Variants in SCOC observed in about 807,000 individuals in gnomAD.
The protein encoded by SCOC is short coiled-coil protein.
In SCOC, 7 loss-of-function variants were observed where a neutral mutation model predicts 9.9. The ratio of observed to expected loss-of-function variants is 0.71; its 90% CI spans 0.40 to 1.33. SCOC has a LOEUF of 1.33. Ranked by LOEUF, SCOC falls within the 40% of genes most tolerant of loss-of-function variation. SCOC has a pLI of 0.01. For synonymous variants in SCOC, 19 were observed against 28.2 expected (o/e 0.67, Z 1.03); for missense variants, 66 against 89.7 (o/e 0.74, Z 1.07).
chr4:140,336,698 A>G (rs1279970090), intron 1 of SCOC, among the ~76,000 whole-genome samples: 1 of 152,112 alleles, frequency 6.6e-6, no homozygotes, highest in Admixed American at 6.6e-5. Flanking sequence ...TTCATGCACA[A>G]GTTTCTGTGT....
chr4:140,296,488 G>A (rs1311631806), intron 1 of SCOC, among the ~76,000 whole-genome samples: 1 of 152,162 alleles, frequency 6.6e-6, no homozygotes, highest in East Asian at 1.9e-4. Flanking sequence ...GAATGGCCAC[G>A]TGCCTGGGTT....
intron 1 of SCOC, among the ~76,000 whole-genome samples, chr4:140,281,271 G>A (rs1476673979): frequency 6.8e-6 from 1 of 147,540 alleles, no homozygotes; most frequent in African/African-American, 2.6e-5. Flanking sequence ...TGAGGAACAG[G>A]TGTGGGGAGA....
chr4:140,355,211 T>TTATATATATATATATGATATA (rs1553940379), intron 2 of SCOC, among the ~76,000 whole-genome samples: 8 of 61,394 alleles, frequency 1.3e-4, no homozygotes, highest in African/African-American at 3.8e-4. Flanking sequence ...CATTATATTT[T>TTATATATATATATATGATATA]TATATATATA....
At chr4:140,352,887 A>C (rs1048282784) in intron 2 of SCOC, among the ~76,000 whole-genome samples, 5 of 152,088 alleles carry the variant, frequency 3.3e-5, no homozygotes, top group Non-Finnish European at 7.4e-5. Context: ...GTTATGGTGA[A>C]TTTTTTCCAG....
intron 1 of SCOC, among the ~76,000 whole-genome samples, chr4:140,258,540 G>A (rs949065768): frequency 1.3e-5 from 2 of 152,172 alleles, no homozygotes; most frequent in Admixed American, 6.5e-5. Context: ...TCTCTGGGAT[G>A]GGAGGTGAAT....
intron 1 of SCOC, among the ~76,000 whole-genome samples, chr4:140,286,443 C>T (rs1193002758): frequency 2.0e-5 from 3 of 152,088 alleles, no homozygotes; most frequent in Non-Finnish European, 2.9e-5. Context: ...TGTTGCCCCT[C>T]CCAAACTCTG....
intron 1 of SCOC, among the ~76,000 whole-genome samples, chr4:140,326,264 G>A (rs748408827): frequency 6.6e-6 from 1 of 152,008 alleles, no homozygotes; most frequent in Non-Finnish European, 1.5e-5. Flanking sequence ...TTGGGCAGGT[G>A]GATACATGGC....
chr4:140,383,441 A>C lies in SCOC; in HGVS notation c.*2337A>C, dbSNP rs1728627167. On this transcript the variant is annotated 3_prime_UTR_variant, in exon 4 of 4. Coordinates refer to ENST00000608372, the MANE Select transcript of SCOC (RefSeq NM_001153484.2). The stretch of plus-strand genomic sequence containing the variant: ...GTTGGGACAGGATGGCCAAATAAAA[A>C]GTCTCAATTTGGAAAATGGAATAAA... 6.6e-6 allele frequency: 1 copy of C among 152,238 alleles called. No homozygotes were observed. Among genetic ancestry groups the C allele is most frequent in the African/African-American group, 2.4e-5 (1 of 41,456 alleles). 9.4% of individuals were successfully genotyped at this position (152,238 alleles called of 1,614,324 possible).
At chr4:140,362,273 C>CTCTTCTTCTT in intron 2 of SCOC, among the ~76,000 whole-genome samples, 1 of 29,090 alleles carries the variant, frequency 3.4e-5, no homozygotes, top group Non-Finnish European at 7.6e-5. Context: ...ACAGGTGTGT[C>CTCTTCTTCTT]CTTACTTCTT....
At chr4:140,312,833 C>T (rs949877998) in intron 1 of SCOC, among the ~76,000 whole-genome samples, 1 of 152,158 alleles carries the variant, frequency 6.6e-6, no homozygotes, top group Non-Finnish European at 1.5e-5. Flanking sequence ...GTTGCTACAA[C>T]AAGAAGAGAA....
intron 2 of SCOC, among the ~76,000 whole-genome samples, chr4:140,368,373 G>T (rs578252789): frequency 6.6e-6 from 1 of 151,858 alleles, no homozygotes; most frequent in Non-Finnish European, 1.5e-5. Context: ...TGTATTATTC[G>T]TATTTATTAT....
chr4:140,356,823 A>G (rs1056477058), intron 2 of SCOC, among the ~76,000 whole-genome samples: 11 of 152,284 alleles, frequency 7.2e-5, no homozygotes, highest in African/African-American at 2.4e-4. Flanking sequence ...CTATATAAAT[A>G]TTTCATTTCA....
At chr4:140,258,943 A>C (rs867513679) in intron 1 of SCOC, among the ~76,000 whole-genome samples, 1 of 152,264 alleles carries the variant, frequency 6.6e-6, no homozygotes, top group Non-Finnish European at 1.5e-5. Flanking sequence ...TTCACTAAAA[A>C]GCAGATGTGC....
upstream of SCOC, among the ~76,000 whole-genome samples, chr4:140,339,997 C>A (rs2126506103): frequency 6.6e-6 from 1 of 152,320 alleles, no homozygotes; most frequent in South Asian, 2.1e-4. Context: ...AAGACACATG[C>A]ACACATATGT....
At chr4:140,296,825 G>A (rs1307433149) in intron 1 of SCOC, among the ~76,000 whole-genome samples, 1 of 151,658 alleles carries the variant, frequency 6.6e-6, no homozygotes. Context: ...AAGACTGGGC[G>A]TTGTTTTCTT....
chr4:140,292,007 A>T (rs1731488495), intron 1 of SCOC, among the ~76,000 whole-genome samples: 1 of 152,090 alleles, frequency 6.6e-6, no homozygotes, highest in Non-Finnish European at 1.5e-5. Context: ...AGACCTGGGA[A>T]ATAGGTGAAT....
chr4:140,361,219 C>T (rs549619325), intron 2 of SCOC, among the ~76,000 whole-genome samples: 13 of 90,056 alleles, frequency 1.4e-4, no homozygotes, highest in Admixed American at 1.2e-3. Flanking sequence ...CCTTGCAGCA[C>T]GGCAGTGGGT....
upstream of SCOC, among the ~76,000 whole-genome samples, chr4:140,338,554 C>T (rs994901766): frequency 6.6e-4 from 98 of 147,652 alleles, 2 homozygotes; most frequent in Middle Eastern, 0.017. Context: ...AAAACCCCAT[C>T]GTCTCAGCCC....
chr4:140,373,298 G>A, upstream of SCOC: 3 of 1,378,482 alleles, frequency 2.2e-6, no homozygotes, highest in African/African-American at 1.5e-5. Context: ...GCTCATACCA[G>A]CCTCTTTCCT....
Sources: gnomAD v4.1 joint callset for allele counts (sites outside exome capture counted in the v4.1 genomes callset) on GRCh38, gnomAD v4.1.1 for gene constraint, MANE v1.5 for transcripts, NCBI Gene and HGNC (gene_info 2026-07-23, HGNC 2026-07-21) for gene names.